PCGF5: variants seen among roughly 807,000 people sequenced by gnomAD.
PCGF5 encodes the protein polycomb group RING finger protein 5.
Under a neutral mutation model 44.3 loss-of-function variants are expected in PCGF5, and 9 were observed. The ratio of observed to expected loss-of-function variants is 0.20; its 90% CI spans 0.12 to 0.35. The LOEUF is 0.35. Among genes scored for constraint, PCGF5 ranks in the 10% least tolerant of loss-of-function variants. PCGF5 has a pLI of 1.00. For missense variants in PCGF5, 146 were observed against 305.3 expected, an observed-to-expected ratio of 0.48 and a Z score of 3.89; for synonymous variants, 95 against 102.5, an observed-to-expected ratio of 0.93 and a Z score of 0.44.
upstream of PCGF5, among the ~76,000 whole-genome samples, chr10:91,162,193 T>C (rs1843397869): frequency 6.6e-6 from 1 of 150,516 alleles, no homozygotes; most frequent in South Asian, 2.1e-4. Context: ...GACTGAAAAA[T>C]GGAGGCCCAG....
rs183135217 is a variant in PCGF5, at chr10:91,264,885, T to G, written c.663+365T>G. 5.9e-5 allele frequency among the ~76,000 whole-genome samples: 9 copies of G among 152,240 alleles called. No homozygotes were observed. In the East Asian group the frequency reaches 1.4e-3, roughly 23 times the overall value. On this transcript the variant is annotated intron_variant, in intron 8 of 9. Transcript: ENST00000336126. ...GTTCTCCCCTAATATGATTAATGGT[T>G]GATAAGGGTGTTTATTTTTGGTTGT...
chr10:91,165,285 T>C (rs1354105680), intron 1 of PCGF5, among the ~76,000 whole-genome samples: 1 of 152,222 alleles, frequency 6.6e-6, no homozygotes, highest in Admixed American at 6.5e-5. Flanking sequence ...TATGTTACTA[T>C]GTAACTTCTG....
intron 1 of PCGF5, among the ~76,000 whole-genome samples, chr10:91,175,901 C>A (rs369226871): frequency 4.6e-5 from 7 of 152,114 alleles, no homozygotes; most frequent in African/African-American, 1.7e-4. Flanking sequence ...GAGCATTTAG[C>A]CCATTTACAT....
At chr10:91,240,763 T>C (rs554746989) in intron 3 of PCGF5, among the ~76,000 whole-genome samples, 183 bp downstream of exon 3, 1 of 152,170 alleles carries the variant, frequency 6.6e-6, no homozygotes, top group East Asian at 1.9e-4. Flanking sequence ...AGGTTTTACA[T>C]CTTAAATATT....
intron 1 of PCGF5, among the ~76,000 whole-genome samples, chr10:91,210,072 G>A (rs1450013088): frequency 1.3e-5 from 2 of 152,152 alleles, no homozygotes; most frequent in Non-Finnish European, 2.9e-5. Context: ...ATAAAGCTTG[G>A]GCAATTTCTA....
intron 1 of PCGF5, among the ~76,000 whole-genome samples, chr10:91,193,548 C>A (rs114074106): frequency 0.024 from 3,583 of 149,648 alleles, 141 homozygotes; most frequent in African/African-American, 0.084. Flanking sequence ...TGAGGGGTGG[C>A]GAGGGGTAGT....
chr10:91,193,631 G>A (rs1039621385), intron 1 of PCGF5, among the ~76,000 whole-genome samples: 1 of 152,056 alleles, frequency 6.6e-6, no homozygotes. Context: ...GGAGGGTGGA[G>A]ACCATGAAGG....
chr10:91,231,115 A>C (rs1432971237), intron 2 of PCGF5, among the ~76,000 whole-genome samples: 1 of 152,172 alleles, frequency 6.6e-6, no homozygotes, highest in Non-Finnish European at 1.5e-5. Flanking sequence ...TTTAGTTGAA[A>C]ATGTAAGCTT....
intron 2 of PCGF5, among the ~76,000 whole-genome samples, chr10:91,225,255 G>A (rs374631456): frequency 8.3e-5 from 12 of 144,540 alleles, no homozygotes; most frequent in South Asian, 6.4e-4. Context: ...GATATATATC[G>A]TATATATGTA....
chr10:91,188,780 G>C (rs1310583910), intron 1 of PCGF5, among the ~76,000 whole-genome samples: 2 of 152,176 alleles, frequency 1.3e-5, no homozygotes, highest in African/African-American at 4.8e-5. Context: ...GATCTACAGA[G>C]TGTCATTTGG....
At chr10:91,156,780 T>C in the PCGF5 span, among the ~76,000 whole-genome samples, 3 of 152,184 alleles carry the variant, frequency 2.0e-5, no homozygotes, top group Non-Finnish European at 4.4e-5. Flanking sequence ...CACATTTAAT[T>C]ATCAAGAATT....
upstream of PCGF5, among the ~76,000 whole-genome samples, chr10:91,215,731 T>A (rs1844528670): frequency 6.6e-6 from 1 of 152,254 alleles, no homozygotes; most frequent in Non-Finnish European, 1.5e-5. Flanking sequence ...CATTTGTAAC[T>A]GGCAGAGAAG....
intron 5 of PCGF5, 110 bp from the exon 6 acceptor site, chr10:91,251,182 G>T: frequency 1.3e-6 from 1 of 774,624 alleles, no homozygotes; most frequent in East Asian, 3.0e-5. Context: ...TTCAAAAACT[G>T]TTAGGAAATT....
intron 9 of PCGF5, among the ~76,000 whole-genome samples, 179 bp from the exon 10 acceptor site, chr10:91,278,090 A>G (rs1346198641): frequency 6.6e-6 from 1 of 152,204 alleles, no homozygotes; most frequent in Non-Finnish European, 1.5e-5. Flanking sequence ...TGATTCTAGA[A>G]AAATAATGGC....
intron 1 of PCGF5, among the ~76,000 whole-genome samples, chr10:91,188,938 T>A (rs1843978005): frequency 6.6e-6 from 1 of 152,152 alleles, no homozygotes; most frequent in African/African-American, 2.4e-5. Flanking sequence ...ACAGAGTGGT[T>A]TGGGAGAAAG....
chr10:91,200,825 G>A (rs947822683), intron 1 of PCGF5, among the ~76,000 whole-genome samples: 4 of 152,084 alleles, frequency 2.6e-5, no homozygotes, highest in Non-Finnish European at 5.9e-5. Context: ...AATTCATAAG[G>A]GTGTTGAGAG....
chr10:91,158,462 G>T (rs1038575394), upstream of PCGF5, among the ~76,000 whole-genome samples: 1 of 152,182 alleles, frequency 6.6e-6, no homozygotes, highest in African/African-American at 2.4e-5. Flanking sequence ...GGTATTTGGT[G>T]CAGCATTACT....
At chr10:91,198,707 T>C (rs550872796) in intron 1 of PCGF5, among the ~76,000 whole-genome samples, 6 of 152,332 alleles carry the variant, frequency 3.9e-5, no homozygotes, top group African/African-American at 1.4e-4. Context: ...TCAGTAGCAT[T>C]GAATCAATCC....
intron 9 of PCGF5, among the ~76,000 whole-genome samples, chr10:91,277,513 A>G (rs892173813): frequency 2.0e-5 from 3 of 152,154 alleles, no homozygotes; most frequent in Admixed American, 6.5e-5. Flanking sequence ...GGCATATGCC[A>G]TATGCCTTTA....
Sources: allele counts gnomAD v4.1 joint callset (sites outside exome capture counted in the v4.1 genomes callset), GRCh38; gene constraint gnomAD v4.1.1; transcripts MANE v1.5; gene names NCBI Gene and HGNC (gene_info 2026-07-23, HGNC 2026-07-21).